Variants in DHX30 observed in about 807,000 individuals in gnomAD.
The protein encoded by DHX30 is ATP-dependent RNA helicase DHX30.
Under a neutral mutation model 116.9 loss-of-function variants are expected in DHX30, and 4 were observed. The observed-to-expected ratio is 0.03, with a 90% CI of 0.02 to 0.08. DHX30 has a LOEUF of 0.08. Ranked by LOEUF, DHX30 falls within the 10% of genes least tolerant of loss-of-function variation. DHX30 has a pLI of 1.00. For synonymous variants in DHX30, 697 were observed against 651.7 expected (o/e 1.07, Z -1.06); for missense variants, 871 against 1,595.1 (o/e 0.55, Z 7.73).
chr3:47,842,846 G>A (rs541563454), intron 8 of DHX30, among the ~76,000 whole-genome samples: 11 of 152,336 alleles, frequency 7.2e-5, no homozygotes, highest in African/African-American at 2.4e-4. Context: ...TGGGCTAGGA[G>A]GGCAGGTGAT....
At chr3:47,829,314 A>ATATATATAT (rs1177077114) in intron 6 of DHX30, among the ~76,000 whole-genome samples, 180 bp downstream of exon 6, 23 of 34,182 alleles carry the variant, frequency 6.7e-4, no homozygotes, top group East Asian at 1.9e-3. Context: ...ATATATATAT[A>ATATATATAT]TTTTTTTTTT....
chr3:47,810,836 C>A, intron 3 of DHX30, 125 bp downstream of exon 3: 3 of 984,038 alleles, frequency 3.0e-6, no homozygotes, highest in Non-Finnish European at 4.8e-6. Context: ...TTTCCAAAGG[C>A]CTTTCCTATA....
At chr3:47,839,435 C>T (rs956224066) in intron 6 of DHX30, among the ~76,000 whole-genome samples, 2 of 151,554 alleles carry the variant, frequency 1.3e-5, no homozygotes, top group African/African-American at 4.8e-5. Flanking sequence ...GCTGGAATTA[C>T]AGGCATGCAC....
chr3:47,833,044 C>T (rs1372439306), intron 6 of DHX30, among the ~76,000 whole-genome samples: 1 of 151,542 alleles, frequency 6.6e-6, no homozygotes, highest in Non-Finnish European at 1.5e-5. Context: ...CTTAGCCTCC[C>T]AAAGTGCTGG....
Position 47,837,078 on chromosome 3 carries a change from C to T in DHX30, c.367-3799C>T, listed in dbSNP as rs1323768268. Among the ~76,000 whole-genome samples, 30 of 138,178 alleles carry T rather than the reference C, an allele frequency of 2.2e-4. No homozygotes were observed. In the Admixed American group the frequency reaches 2.2e-3, roughly 10 times the overall value. 90.7% of individuals were successfully genotyped at this position (138,178 alleles called of 152,430 possible). On this transcript the variant is annotated intron_variant, in intron 6 of 21. Transcript: ENST00000445061. ...AGGTGTCCACGGGAGGACATAAATG[C>T]ACCCCAGCCTCCTAAATAGAAGAGG... is the stretch of plus-strand genomic sequence containing the variant.
At chr3:47,826,194 G>A (rs894490400) in intron 4 of DHX30, 1 of 152,206 alleles carries the variant, frequency 6.6e-6, no homozygotes, top group Non-Finnish European at 1.5e-5. Flanking sequence ...AGCTGCCAGA[G>A]GCTAGAGTGG....
At chr3:47,828,254 G>A (rs935004463) in intron 5 of DHX30, among the ~76,000 whole-genome samples, 1 of 151,108 alleles carries the variant, frequency 6.6e-6, no homozygotes, top group African/African-American at 2.4e-5. Context: ...GAGCCCAGGG[G>A]TTTGGGACCA....
At chr3:47,832,746 C>T (rs527930755) in intron 6 of DHX30, among the ~76,000 whole-genome samples, 2 of 151,878 alleles carry the variant, frequency 1.3e-5, no homozygotes, top group African/African-American at 4.8e-5. Flanking sequence ...AAGTGATCCT[C>T]CCACCTCAGC....
At chr3:47,828,312 T>C (rs1350184956) in intron 5 of DHX30, among the ~76,000 whole-genome samples, 1 of 150,830 alleles carries the variant, frequency 6.6e-6, no homozygotes, top group Non-Finnish European at 1.5e-5. Context: ...ATGAAAAAGT[T>C]ACTCAGGCAT....
At chr3:47,810,848 C>A in intron 3 of DHX30, 137 bp downstream of exon 3, 2 of 869,394 alleles carry the variant, frequency 2.3e-6, no homozygotes, top group Non-Finnish European at 3.8e-6. Context: ...TTTCCTATAG[C>A]CTTCCTTTTG....
intron 1 of DHX30, among the ~76,000 whole-genome samples, chr3:47,804,008 G>A (rs1318824646): frequency 6.6e-6 from 1 of 152,158 alleles, no homozygotes; most frequent in Non-Finnish European, 1.5e-5. Context: ...CTTTCAACCT[G>A]GTTTTAGTTG....
intron 2 of DHX30, among the ~76,000 whole-genome samples, chr3:47,808,137 C>T (rs1205985057): frequency 2.6e-5 from 4 of 151,654 alleles, no homozygotes; most frequent in Non-Finnish European, 4.4e-5. Context: ...CTCAAACTCC[C>T]GACCTCAGGT....
In DHX30 at chr3:47,841,323, G is replaced by A; in HGVS notation, c.668+145G>A. The A allele has an allele frequency of 6.9e-6, 9 of 1,302,638 alleles. No individual in the cohort carries two copies. The South Asian group carries it at 1.2e-4, about 18-fold the overall frequency. 80.7% of individuals were successfully genotyped at this position (1,302,638 alleles called of 1,614,324 possible). A position where few individuals can be genotyped will look rare whatever the true frequency, so the allele number is the denominator to read the frequency against. On this transcript the variant is annotated intron_variant, in intron 7 of 21. Transcript: ENST00000445061. The stretch of plus-strand genomic sequence containing the variant: ...GTGCCCCATCACTCAGTGTGTGTCT[G>A]CCCATTCTTGGGGGACAGCCAGCTG...
At chr3:47,830,250 C>G (rs1335798909) in intron 6 of DHX30, among the ~76,000 whole-genome samples, 1 of 151,124 alleles carries the variant, frequency 6.6e-6, no homozygotes, top group Non-Finnish European at 1.5e-5. Context: ...GAGCTTGAGA[C>G]CAGCCTGACC....
At chr3:47,825,976 G>A (rs2036535924) in intron 4 of DHX30, 1 of 152,234 alleles carries the variant, frequency 6.6e-6, no homozygotes, top group Non-Finnish European at 1.5e-5. Context: ...CTTGACACAG[G>A]AGTCTGTCCC....
At chr3:47,823,358 T>G (rs567560170) in intron 4 of DHX30, among the ~76,000 whole-genome samples, 2 of 130,596 alleles carry the variant, frequency 1.5e-5, no homozygotes, top group Admixed American at 7.6e-5. Flanking sequence ...CTGGTTGTTG[T>G]TTTTTTTTTT....
At chr3:47,831,355 G>A (rs527913334) in intron 6 of DHX30, among the ~76,000 whole-genome samples, 6 of 152,196 alleles carry the variant, frequency 3.9e-5, no homozygotes, top group African/African-American at 1.2e-4. Context: ...AGCCATTCAT[G>A]AGAGATCTGC....
intron 6 of DHX30, among the ~76,000 whole-genome samples, chr3:47,830,490 G>A (rs1490353467): frequency 6.6e-6 from 1 of 152,002 alleles, no homozygotes; most frequent in East Asian, 1.9e-4. Context: ...TAGTAGAGAC[G>A]AGGTCTCACT....
At chr3:47,839,645 C>T (rs1017402794) in intron 6 of DHX30, among the ~76,000 whole-genome samples, 5 of 151,760 alleles carry the variant, frequency 3.3e-5, no homozygotes, top group African/African-American at 1.2e-4. Context: ...AAGTTGTATC[C>T]GTTTCATGGT....
Sources: gnomAD v4.1 joint callset for allele counts (sites outside exome capture counted in the v4.1 genomes callset) on GRCh38, gnomAD v4.1.1 for gene constraint, MANE v1.5 for transcripts, NCBI Gene and HGNC (gene_info 2026-07-23, HGNC 2026-07-21) for gene names.